Variants in GSE1 observed in about 807,000 individuals in gnomAD.
The protein encoded by GSE1 is genetic suppressor element 1.
In GSE1, 32 loss-of-function variants were observed where a neutral mutation model predicts 112.6. The observed-to-expected ratio is 0.28, with a 90% CI of 0.21 to 0.38. The LOEUF is 0.38. Among genes scored for constraint, GSE1 ranks in the 10% least tolerant of loss-of-function variants. GSE1 has a pLI of 1.00. For missense variants in GSE1, 2,348 were observed against 1,699.2 expected (o/e 1.38, Z -6.71); for synonymous variants, 1,115 against 735.6 (o/e 1.52, Z -8.35).
At chr16:85,415,661 G>A (rs967120242) in intron 2 of GSE1, among the ~76,000 whole-genome samples, 1 of 152,240 alleles carries the variant, frequency 6.6e-6, no homozygotes, top group African/African-American at 2.4e-5. Context: ...TTCATTCCCT[G>A]TACAGTTGAC....
chr16:85,653,825 C>T (rs534309322), intron 3 of GSE1, among the ~76,000 whole-genome samples: 359 of 152,320 alleles, frequency 2.4e-3, no homozygotes, highest in African/African-American at 8.3e-3. Flanking sequence ...CAGCTGTCGG[C>T]GCAGTTGACG....
At chr16:85,365,635 G>T (rs143202657) in intron 2 of GSE1, among the ~76,000 whole-genome samples, 2 of 152,232 alleles carry the variant, frequency 1.3e-5, no homozygotes, top group Admixed American at 6.5e-5. Flanking sequence ...TGCATTGCCT[G>T]GAAGGTGAAG....
intron 1 of GSE1, among the ~76,000 whole-genome samples, chr16:85,625,340 G>C (rs1598428684): frequency 6.6e-6 from 1 of 152,338 alleles, no homozygotes; most frequent in East Asian, 1.9e-4. Flanking sequence ...ACCAGTCCGT[G>C]GCCGTGAACC....
chr16:85,652,301 G>GCCACTCCC (rs1184604088), intron 3 of GSE1, among the ~76,000 whole-genome samples: 1 of 152,228 alleles, frequency 6.6e-6, no homozygotes, highest in East Asian at 1.9e-4. Context: ...TGGCCCCTCG[G>GCCACTCCC]CCACTCCCCC....
At chr16:85,457,101 G>C (rs1319584619) in intron 2 of GSE1, among the ~76,000 whole-genome samples, 1 of 152,196 alleles carries the variant, frequency 6.6e-6, no homozygotes, top group African/African-American at 2.4e-5. Context: ...GGTAAGCCAG[G>C]CAGTTCCTGC....
At chr16:85,560,150 T>TTTTA (rs1179259849) in intron 1 of GSE1, among the ~76,000 whole-genome samples, 84 of 145,198 alleles carry the variant, frequency 5.8e-4, no homozygotes, top group African/African-American at 7.5e-4. Flanking sequence ...TTTTTTTTTT[T>TTTTA]ATGTGAGACG....
intron 2 of GSE1, among the ~76,000 whole-genome samples, chr16:85,503,247 G>T (rs1053065423): frequency 1.3e-5 from 2 of 152,214 alleles, no homozygotes; most frequent in African/African-American, 4.8e-5. Flanking sequence ...CCAGCATCCA[G>T]GGGTCACCAC....
chr16:85,664,717 C>T, intron 11 of GSE1: 1 of 279,044 alleles, frequency 3.6e-6, no homozygotes, highest in Non-Finnish European at 6.8e-6. Context: ...AATAAGAATA[C>T]ATCCTCGCAC....
At chr16:85,259,634 G>T (rs908321167) in intron 1 of GSE1, among the ~76,000 whole-genome samples, 1 of 152,220 alleles carries the variant, frequency 6.6e-6, no homozygotes, top group Non-Finnish European at 1.5e-5. Context: ...GGAAGCATCA[G>T]TGCCAGATGG....
intron 2 of GSE1, among the ~76,000 whole-genome samples, chr16:85,494,900 C>T (rs562466819): frequency 2.6e-5 from 4 of 152,164 alleles, no homozygotes; most frequent in Non-Finnish European, 5.9e-5. Flanking sequence ...AGGTGCCGGG[C>T]CCTGTCCCCT....
intron 2 of GSE1, among the ~76,000 whole-genome samples, chr16:85,432,487 C>T (rs2049145347): frequency 6.6e-6 from 1 of 152,252 alleles, no homozygotes; most frequent in African/African-American, 2.4e-5. Context: ...AGCTGCACAT[C>T]CCAGAACACA....
Position 85,221,312 on chromosome 16 carries a change from GCACA to G in GSE1, c.2283+49525_2283+49528del, listed in dbSNP as rs377260826. On this transcript the variant is annotated intron_variant, in intron 1 of 2. Transcript: ENST00000637419. The stretch of plus-strand genomic sequence containing the variant: ...GGCCTGGTTCACACTTCCCTAGCGC[GCACA>G]CACACACACACACACACACCCCAAG... 9.6e-3 allele frequency among the ~76,000 whole-genome samples: 1,323 copies of G among 137,838 alleles called. 9 individuals carry two copies. The highest frequency in any genetic ancestry group is 0.014 in the Non-Finnish European group (867 of 61,902). 90.4% of individuals were successfully genotyped at this position (137,838 alleles called of 152,430 possible).
chr16:85,496,311 A>G (rs930068864), intron 2 of GSE1, among the ~76,000 whole-genome samples: 2 of 152,234 alleles, frequency 1.3e-5, no homozygotes, highest in East Asian at 1.9e-4. Flanking sequence ...GGATGGTTAC[A>G]ACAGGTTTAT....
chr16:85,665,597 C>G (rs933221842), intron 12 of GSE1, among the ~76,000 whole-genome samples: 12 of 151,612 alleles, frequency 7.9e-5, no homozygotes, highest in African/African-American at 9.7e-5. Context: ...CCTCCTCTTA[C>G]AGTTCTGGCT....
At chr16:85,520,373 G>C (rs892075326) in intron 2 of GSE1, among the ~76,000 whole-genome samples, 2 of 151,926 alleles carry the variant, frequency 1.3e-5, no homozygotes, top group African/African-American at 2.4e-5. Context: ...GATTGTAGCA[G>C]ACCCCTGAGA....
intron 1 of GSE1, among the ~76,000 whole-genome samples, chr16:85,332,465 G>A (rs543639846): frequency 6.6e-6 from 1 of 152,280 alleles, no homozygotes; most frequent in East Asian, 1.9e-4. Context: ...AGAGGCTCAG[G>A]GAGGGGATGT....
exon 1 of GSE1, chr16:85,170,527 G>A (rs1487984080): frequency 1.0e-6 from 1 of 985,794 alleles, no homozygotes; most frequent in Non-Finnish European, 1.2e-6. Flanking sequence ...GGACCACAAG[G>A]AACAGCCTTT....
At chr16:85,438,999 T>G (rs1316302412) in intron 2 of GSE1, among the ~76,000 whole-genome samples, 10 of 152,176 alleles carry the variant, frequency 6.6e-5, no homozygotes, top group African/African-American at 2.4e-4. Context: ...GTGATCAGAG[T>G]CAACCTCCCC....
At chr16:85,443,428 CAG>C (rs552532306) in intron 2 of GSE1, among the ~76,000 whole-genome samples, 153 of 152,376 alleles carry the variant, frequency 1.0e-3, no homozygotes, top group African/African-American at 3.1e-3. Context: ...ACCTGTAAAA[CAG>C]AGCTAGGACA....
Sources: gnomAD v4.1 joint callset for allele counts (sites outside exome capture counted in the v4.1 genomes callset) on GRCh38, gnomAD v4.1.1 for gene constraint, MANE v1.5 for transcripts, NCBI Gene and HGNC (gene_info 2026-07-23, HGNC 2026-07-21) for gene names.